Variants in ZFHX3 observed in about 807,000 individuals in gnomAD.
ZFHX3 encodes the protein zinc finger homeobox protein 3.
In ZFHX3, 42 loss-of-function variants were observed where a neutral mutation model predicts 279.1. The observed-to-expected ratio is 0.15, with a 90% CI of 0.12 to 0.19. ZFHX3 has a LOEUF of 0.19. Ranked by LOEUF, ZFHX3 falls within the 10% of genes least tolerant of loss-of-function variation. The pLI, the probability that ZFHX3 is intolerant of heterozygous loss-of-function variation, is 1.00. For synonymous variants in ZFHX3, 2,293 were observed against 1,957.8 expected (o/e 1.17, Z -4.52); for missense variants, 4,981 against 4,754.0 (o/e 1.05, Z -1.40).
At chr16:73,627,401 CCTAAA>C (rs2052427520) in intron 2 of ZFHX3, among the ~76,000 whole-genome samples, 1 of 152,176 alleles carries the variant, frequency 6.6e-6, no homozygotes, top group Non-Finnish European at 1.5e-5. Context: ...AAGTGAATAT[CCTAAA>C]CTTCATCATG....
chr16:73,180,432 G>C (rs917016598), intron 5 of ZFHX3, among the ~76,000 whole-genome samples: 1 of 152,216 alleles, frequency 6.6e-6, no homozygotes, highest in Non-Finnish European at 1.5e-5. Context: ...CCTGCCAGCA[G>C]AGGTGCTGAG....
intron 5 of ZFHX3, among the ~76,000 whole-genome samples, chr16:73,209,450 C>T (rs1462113317): frequency 6.6e-6 from 1 of 152,104 alleles, no homozygotes; most frequent in Non-Finnish European, 1.5e-5. Flanking sequence ...AAGATGTTGC[C>T]TTGAATGCCG....
chr16:72,869,501 T>C (rs2038102801), intron 4 of ZFHX3, among the ~76,000 whole-genome samples: 1 of 152,242 alleles, frequency 6.6e-6, no homozygotes, highest in South Asian at 2.1e-4. Flanking sequence ...TCTTCCTTCT[T>C]ATTCTGTAAT....
At chr16:73,317,355 C>T (rs1313241616) in intron 4 of ZFHX3, among the ~76,000 whole-genome samples, 1 of 152,124 alleles carries the variant, frequency 6.6e-6, no homozygotes, top group Non-Finnish European at 1.5e-5. Context: ...TTCCCACTTG[C>T]ACCTGCTAAT....
chr16:73,174,097 G>T (rs771072854), intron 5 of ZFHX3, among the ~76,000 whole-genome samples: 13 of 152,170 alleles, frequency 8.5e-5, no homozygotes, highest in Non-Finnish European at 1.8e-4. Context: ...GAGGTTCACT[G>T]GACGTGTTTC....
chr16:73,329,185 G>T (rs1250218326), intron 3 of ZFHX3, among the ~76,000 whole-genome samples: 2 of 152,332 alleles, frequency 1.3e-5, no homozygotes, highest in South Asian at 4.1e-4. Flanking sequence ...TAAATGTAAG[G>T]GTGGCGAACC....
At chr16:73,443,758 C>CT (rs555452871) in intron 3 of ZFHX3, among the ~76,000 whole-genome samples, 3 of 151,984 alleles carry the variant, frequency 2.0e-5, no homozygotes, top group South Asian at 2.1e-4. Context: ...TACTCCTTGG[C>CT]TTTTTTTCTT....
rs764626362 is a variant in ZFHX3 at position 72,788,686 on chromosome 16, TGG to T, written c.9588_9589del (p.Gln3197AlafsTer41). 1.2e-6 allele frequency: 2 copies of T among 1,609,842 alleles called. No homozygotes were observed. Among genetic ancestry groups the T allele is most frequent in the Non-Finnish European group, 1.7e-6 (2 of 1,177,918 alleles). ...TGGTTGCTGCTGCTGCTGCTGCTGC[TGG>T]GGGGGTTGCTGAGGGCCCATCGCCA... On this transcript the variant is annotated frameshift_variant, in exon 10 of 10. Coordinates refer to ENST00000268489, the MANE Select transcript of ZFHX3 (RefSeq NM_006885.4). LOFTEE classifies it high-confidence loss of function.
intron 3 of ZFHX3, among the ~76,000 whole-genome samples, chr16:73,398,365 T>C (rs190769498): frequency 6.6e-6 from 1 of 152,266 alleles, no homozygotes; most frequent in African/African-American, 2.4e-5. Context: ...CTCACCAGTG[T>C]CTAGGATAAA....
intron 1 of ZFHX3, among the ~76,000 whole-genome samples, chr16:73,792,501 T>C (rs188975050): frequency 6.6e-6 from 1 of 152,338 alleles, no homozygotes; most frequent in East Asian, 1.9e-4. Context: ...GAGGAAAGTT[T>C]TATTAATTCT....
intron 3 of ZFHX3, among the ~76,000 whole-genome samples, chr16:73,366,975 C>T (rs189391963): frequency 7.9e-5 from 12 of 152,130 alleles, no homozygotes; most frequent in Admixed American, 5.9e-4. Context: ...GATTTTTGTG[C>T]GGGCCCAGGA....
chr16:73,316,533 A>C (rs1470605023), intron 4 of ZFHX3, among the ~76,000 whole-genome samples: 4 of 152,190 alleles, frequency 2.6e-5, no homozygotes, highest in Non-Finnish European at 5.9e-5. Context: ...TACCTAGTAG[A>C]TACTCTTTGA....
intron 5 of ZFHX3, among the ~76,000 whole-genome samples, chr16:73,242,650 G>C (rs2013158632): frequency 6.6e-6 from 1 of 152,198 alleles, no homozygotes; most frequent in Non-Finnish European, 1.5e-5. Flanking sequence ...TGCTCCCTTG[G>C]AAAAGCCCAC....
intron 2 of ZFHX3, among the ~76,000 whole-genome samples, chr16:73,562,960 G>C (rs2020393040): frequency 6.6e-6 from 1 of 152,118 alleles, no homozygotes; most frequent in Non-Finnish European, 1.5e-5. Flanking sequence ...CCTCCCATAA[G>C]GGAAACCTTT....
chr16:73,397,188 T>TA (rs1276352673), intron 3 of ZFHX3, among the ~76,000 whole-genome samples: 1 of 152,206 alleles, frequency 6.6e-6, no homozygotes, highest in Non-Finnish European at 1.5e-5. Context: ...ATACCAAAGA[T>TA]AATCAGGGAG....
intron 4 of ZFHX3, among the ~76,000 whole-genome samples, chr16:73,266,937 C>T (rs189756147): frequency 6.6e-6 from 1 of 152,270 alleles, no homozygotes; most frequent in East Asian, 1.9e-4. Flanking sequence ...TTATCAGCAG[C>T]ATGAAAACAT....
At chr16:73,330,686 G>T (rs994877831) in intron 3 of ZFHX3, among the ~76,000 whole-genome samples, 1 of 152,198 alleles carries the variant, frequency 6.6e-6, no homozygotes, top group Non-Finnish European at 1.5e-5. Context: ...AGAGGCAAGG[G>T]CATGTTGATG....
At chr16:73,620,757 A>G (rs527648405) in intron 2 of ZFHX3, among the ~76,000 whole-genome samples, 1 of 152,362 alleles carries the variant, frequency 6.6e-6, no homozygotes, top group African/African-American at 2.4e-5. Flanking sequence ...TGAATCCTAC[A>G]AAGTACCATT....
At chr16:73,416,402 G>A (rs1256883531) in intron 3 of ZFHX3, among the ~76,000 whole-genome samples, 1 of 152,136 alleles carries the variant, frequency 6.6e-6, no homozygotes, top group African/African-American at 2.4e-5. Flanking sequence ...TTGTGGGAGT[G>A]CTGATGAATA....
Sources: allele counts gnomAD v4.1 joint callset (sites outside exome capture counted in the v4.1 genomes callset), GRCh38; gene constraint gnomAD v4.1.1; transcripts MANE v1.5; gene names NCBI Gene and HGNC (gene_info 2026-07-23, HGNC 2026-07-21).